The following LRRC4C variants were observed in gnomAD, a reference collection of about 807,000 sequenced individuals.
LRRC4C encodes the protein leucine rich repeat containing 4C.
Under a neutral mutation model 33.6 loss-of-function variants are expected in LRRC4C, and 5 were observed. That is an observed-to-expected ratio of 0.15 (90% CI 0.08 to 0.31). LRRC4C has a LOEUF of 0.31. Ranked by LOEUF, LRRC4C falls within the 10% of genes least tolerant of loss-of-function variation. The probability of loss-of-function intolerance (pLI) is 1.00; values close to 1 mark genes in which losing one functional copy is unlikely to be tolerated. For synonymous variants in LRRC4C, 329 were observed against 302.0 expected (o/e 1.09, Z -0.93); for missense variants, 560 against 796.7 (o/e 0.70, Z 3.58).
chr11:40,501,183 C>T (rs1954752876), intron 3 of LRRC4C, among the ~76,000 whole-genome samples: 1 of 152,116 alleles, frequency 6.6e-6, no homozygotes, highest in African/African-American at 2.4e-5. Context: ...ACAATTCTGC[C>T]CCTGTGGCTT....
chr11:40,502,155 G>A (rs1954807951), intron 3 of LRRC4C, among the ~76,000 whole-genome samples: 1 of 152,036 alleles, frequency 6.6e-6, no homozygotes, highest in South Asian at 2.1e-4. Context: ...CCTCATCCTG[G>A]ACTTTATTGT....
At chr11:41,384,694 TA>T (rs1193120450) in intron 1 of LRRC4C, among the ~76,000 whole-genome samples, 4 of 151,146 alleles carry the variant, frequency 2.6e-5, no homozygotes, top group African/African-American at 9.7e-5. Context: ...GTTTGTTGAG[TA>T]ACTTCACTGT....
chr11:40,388,229 C>G (rs932723171), intron 3 of LRRC4C, among the ~76,000 whole-genome samples: 1 of 152,066 alleles, frequency 6.6e-6, no homozygotes, highest in Non-Finnish European at 1.5e-5. Context: ...GATGAATTAT[C>G]AGGTTACTTG....
chr11:40,679,647 C>A (rs1944578110), intron 2 of LRRC4C, among the ~76,000 whole-genome samples: 1 of 152,132 alleles, frequency 6.6e-6, no homozygotes, highest in Admixed American at 6.5e-5. Flanking sequence ...AAGCCCCAAG[C>A]CTTGGCAGCT....
chr11:41,192,779 TGG>T (rs1193144440), intron 1 of LRRC4C, among the ~76,000 whole-genome samples: 5 of 152,076 alleles, frequency 3.3e-5, no homozygotes, highest in Admixed American at 3.3e-4. Flanking sequence ...AATCTAAAGC[TGG>T]GGAATTTATG....
intron 2 of LRRC4C, among the ~76,000 whole-genome samples, chr11:40,901,999 TAC>T (rs369525560): frequency 0.099 from 13,820 of 139,476 alleles, 663 homozygotes; most frequent in East Asian, 0.12. Context: ...TCTCTCTCTC[TAC>T]ACACACACAC....
intron 1 of LRRC4C, among the ~76,000 whole-genome samples, chr11:41,346,071 C>A (rs976564956): frequency 1.3e-5 from 2 of 152,138 alleles, no homozygotes; most frequent in African/African-American, 4.8e-5. Flanking sequence ...ATTACACCCT[C>A]TAATTTATTA....
intron 3 of LRRC4C, among the ~76,000 whole-genome samples, chr11:40,639,944 A>G (rs1241894799): frequency 7.1e-6 from 1 of 141,082 alleles, no homozygotes; most frequent in East Asian, 2.0e-4. Context: ...TTTTTTTTCA[A>G]AAGGTTCTTC....
intron 5 of LRRC4C, among the ~76,000 whole-genome samples, chr11:40,151,864 T>G (rs1858241403): frequency 6.6e-6 from 1 of 152,238 alleles, no homozygotes; most frequent in Non-Finnish European, 1.5e-5. Context: ...TTCTGGTAAG[T>G]GCCTGCCAAG....
intron 5 of LRRC4C, among the ~76,000 whole-genome samples, chr11:40,148,155 G>GT (rs1231315494): frequency 6.6e-6 from 1 of 152,000 alleles, no homozygotes; most frequent in Admixed American, 6.5e-5. Context: ...TGTCTTTGCT[G>GT]TTGTGAACAG....
At chr11:41,087,581 A>C (rs1393298205) in intron 1 of LRRC4C, among the ~76,000 whole-genome samples, 1 of 152,102 alleles carries the variant, frequency 6.6e-6, no homozygotes, top group African/African-American at 2.4e-5. Context: ...ATCCCACCTC[A>C]GCCTCCAAAG....
At chr11:41,430,903 C>A (rs1955210454) in intron 1 of LRRC4C, among the ~76,000 whole-genome samples, 1 of 151,928 alleles carries the variant, frequency 6.6e-6, no homozygotes, top group Admixed American at 6.6e-5. Flanking sequence ...ATGGAATTTA[C>A]ATGAGGAATA....
chr11:40,336,930 T>TCG (rs1946640348), intron 3 of LRRC4C, among the ~76,000 whole-genome samples: 1 of 131,502 alleles, frequency 7.6e-6, no homozygotes. Context: ...TGAGCCGAGA[T>TCG]TGCACCACTG....
chr11:40,865,255 C>G (rs1010700830), intron 2 of LRRC4C, among the ~76,000 whole-genome samples: 1 of 151,922 alleles, frequency 6.6e-6, no homozygotes, highest in African/African-American at 2.4e-5. Flanking sequence ...TAGAGTATAA[C>G]GGTTATGATA....
At chr11:41,055,041 A>T (rs1324297890) in intron 1 of LRRC4C, among the ~76,000 whole-genome samples, 1 of 152,236 alleles carries the variant, frequency 6.6e-6, no homozygotes, top group Non-Finnish European at 1.5e-5. Flanking sequence ...CACAAGAATC[A>T]GGAAATAGAA....
intron 1 of LRRC4C, among the ~76,000 whole-genome samples, chr11:40,936,720 C>T (rs995605644): frequency 9.2e-5 from 14 of 152,048 alleles, no homozygotes; most frequent in South Asian, 2.1e-4. Flanking sequence ...TAATTCTCAA[C>T]GCTGTGTAGT....
At chr11:41,051,045 C>T (rs1858167001) in intron 1 of LRRC4C, among the ~76,000 whole-genome samples, 1 of 152,112 alleles carries the variant, frequency 6.6e-6, no homozygotes, top group Non-Finnish European at 1.5e-5. Context: ...CTTCTATCAG[C>T]TCAATGAGTC....
chr11:40,943,954 C>T (rs1179584056), intron 1 of LRRC4C, among the ~76,000 whole-genome samples: 1 of 152,102 alleles, frequency 6.6e-6, no homozygotes, highest in African/African-American at 2.4e-5. Flanking sequence ...GCCCATTTCT[C>T]GTTAGTCAAA....
At chr11:41,430,764 A>T (rs762669598) in intron 1 of LRRC4C, among the ~76,000 whole-genome samples, 1 of 152,082 alleles carries the variant, frequency 6.6e-6, no homozygotes, top group Non-Finnish European at 1.5e-5. Flanking sequence ...GTTATTGTAA[A>T]ACACTTTGAG....
Sources: allele counts gnomAD v4.1 joint callset (sites outside exome capture counted in the v4.1 genomes callset), GRCh38; gene constraint gnomAD v4.1.1; transcripts MANE v1.5; gene names NCBI Gene and HGNC (gene_info 2026-07-23, HGNC 2026-07-21).